Variants in COL24A1 observed in about 807,000 individuals in gnomAD.
COL24A1 encodes the protein collagen alpha-1(XXIV) chain.
In COL24A1, 224 loss-of-function variants were observed where a neutral mutation model predicts 253.9. The ratio of observed to expected loss-of-function variants is 0.88; its 90% CI spans 0.79 to 0.99. The LOEUF (loss-of-function observed/expected upper bound fraction) is 0.99, where lower values mean the gene tolerates loss of function less well. COL24A1 is among the 50% of genes least tolerant of loss of function. COL24A1 has a pLI of 0.00. For missense variants in COL24A1, 2,131 were observed against 2,068.5 expected (o/e 1.03, Z -0.59); for synonymous variants, 685 against 673.7 (o/e 1.02, Z -0.26).
chr1:85,798,473 G>A (rs1216264448), intron 47 of COL24A1, among the ~76,000 whole-genome samples: 1 of 152,138 alleles, frequency 6.6e-6, no homozygotes, highest in African/African-American at 2.4e-5. Flanking sequence ...TTTGCTAAAT[G>A]TAGGTCTGGA....
intron 31 of COL24A1, among the ~76,000 whole-genome samples, chr1:85,894,569 T>A (rs977129974): frequency 1.3e-5 from 2 of 152,026 alleles, no homozygotes; most frequent in African/African-American, 4.8e-5. Context: ...ATGAGAGGGA[T>A]GAACTTGACC....
In COL24A1 at chr1:86,004,766, C is replaced by T. The variant is rs150895691; in HGVS notation, c.2310+12385G>A. Among the ~76,000 whole-genome samples, 13 of 152,210 alleles carry T rather than the reference C, an allele frequency of 8.5e-5. No homozygotes were observed. The East Asian group carries it at 2.5e-3, about 29-fold the overall frequency. On this transcript the variant is annotated intron_variant, in intron 19 of 59. Transcript: ENST00000370571. ...GTGGGGGGTCTCTCTTGACAGAAGA[C>T]ACAACAAAGGTCTTAATAAACTAAA...
At chr1:86,123,658 G>T (rs1647764922) in intron 3 of COL24A1, among the ~76,000 whole-genome samples, 1 of 151,924 alleles carries the variant, frequency 6.6e-6, no homozygotes, top group African/African-American at 2.4e-5. Flanking sequence ...AAAGTAAATG[G>T]CTTCCATAAC....
At chr1:85,917,887 T>C (rs1686050539) in intron 24 of COL24A1, among the ~76,000 whole-genome samples, 1 of 152,070 alleles carries the variant, frequency 6.6e-6, no homozygotes, top group Non-Finnish European at 1.5e-5. Context: ...TTGTAGTTTT[T>C]AGTAGAGACG....
intron 22 of COL24A1, among the ~76,000 whole-genome samples, chr1:85,968,873 G>A (rs1338376070): frequency 6.6e-6 from 1 of 152,046 alleles, no homozygotes; most frequent in African/African-American, 2.4e-5. Flanking sequence ...ATAACTTCTT[G>A]TCCTACTTAA....
chr1:86,008,609 C>A (rs1696192527), intron 19 of COL24A1, among the ~76,000 whole-genome samples: 1 of 152,078 alleles, frequency 6.6e-6, no homozygotes, highest in South Asian at 2.1e-4. Context: ...GGATGCTCAC[C>A]ACTTCTTTAA....
chr1:85,796,756 A>T (rs180968556), intron 47 of COL24A1, among the ~76,000 whole-genome samples: 36 of 152,350 alleles, frequency 2.4e-4, no homozygotes, highest in African/African-American at 8.7e-4. Flanking sequence ...TGCATTTTAC[A>T]TACAATATTT....
intron 47 of COL24A1, among the ~76,000 whole-genome samples, chr1:85,814,517 T>G (rs1374306922): frequency 6.6e-6 from 1 of 152,208 alleles, no homozygotes; most frequent in East Asian, 1.9e-4. Context: ...AGATAATCAG[T>G]GCCACATTGC....
intron 2 of COL24A1, among the ~76,000 whole-genome samples, chr1:86,137,628 C>T (rs1352170432): frequency 6.6e-6 from 1 of 152,120 alleles, no homozygotes; most frequent in Non-Finnish European, 1.5e-5. Context: ...ATGGTGGTGT[C>T]ACCAAGACAA....
At chr1:85,987,830 A>G (rs1000402878) in intron 19 of COL24A1, among the ~76,000 whole-genome samples, 176 bp from the exon 20 acceptor site, 1 of 151,956 alleles carries the variant, frequency 6.6e-6, no homozygotes, top group African/African-American at 2.4e-5. Flanking sequence ...TAAAACTTAC[A>G]AAGTGTACTA....
chr1:85,892,364 T>C (rs1683222604), intron 31 of COL24A1, among the ~76,000 whole-genome samples: 1 of 152,032 alleles, frequency 6.6e-6, no homozygotes, highest in South Asian at 2.1e-4. Flanking sequence ...TAAAATCTGA[T>C]ATCCGGTGAA....
intron 7 of COL24A1, among the ~76,000 whole-genome samples, chr1:86,083,891 T>TTA (rs1397080193): frequency 1.3e-5 from 2 of 152,356 alleles, no homozygotes; most frequent in Non-Finnish European, 2.9e-5. Context: ...CTTAAGCAAC[T>TTA]TATACCATAT....
At position 85,948,488 on chromosome 1, in the gene COL24A1, C is replaced by A. The variant is rs552677269; in HGVS notation, c.2562+12761G>T. 1.2e-4 allele frequency among the ~76,000 whole-genome samples: 16 copies of A among 134,338 alleles called. No homozygotes were observed. In the East Asian group the frequency reaches 3.3e-3, roughly 28 times the overall value. 88.1% of individuals were successfully genotyped at this position (134,338 alleles called of 152,430 possible). ...GCAGTGAGCCGAGATCGCGCCACTG[C>A]ACTCCAGCCTGGGCGACAGAGCGAG... On this transcript the variant is annotated intron_variant, in intron 24 of 59. Transcript: ENST00000370571.
At chr1:85,924,401 C>T (rs1269354511) in intron 24 of COL24A1, among the ~76,000 whole-genome samples, 3 of 152,200 alleles carry the variant, frequency 2.0e-5, no homozygotes, top group Non-Finnish European at 4.4e-5. Context: ...CCCTGATGAA[C>T]ATTGATGCAA....
intron 24 of COL24A1, among the ~76,000 whole-genome samples, chr1:85,951,915 A>G (rs1421808308): frequency 6.6e-6 from 1 of 152,194 alleles, no homozygotes; most frequent in Admixed American, 6.5e-5. Context: ...AAAGGTGGCT[A>G]TATTTGTGGT....
chr1:85,830,607 C>T lies in COL24A1; in HGVS notation c.3682-6869G>A, dbSNP rs1026902871. ...GGCATAGGACCCTCTGAGCCATGTG[C>T]GGGATATAATCTCCTGGTGTGCTGT... On this transcript the variant is annotated intron_variant, in intron 43 of 59. Coordinates refer to ENST00000370571, the MANE Select transcript of COL24A1 (RefSeq NM_152890.7). 7.2e-5 allele frequency among the ~76,000 whole-genome samples: 11 copies of T among 152,200 alleles called. 1 individual carries two copies. The highest frequency in any genetic ancestry group is 3.9e-4 in the Admixed American group (6 of 15,260).
intron 32 of COL24A1, chr1:85,883,641 T>C (rs1468436614): frequency 1.3e-5 from 2 of 152,220 alleles, no homozygotes; most frequent in Non-Finnish European, 2.9e-5. Context: ...AATACATATT[T>C]ACAATTAACC....
intron 19 of COL24A1, among the ~76,000 whole-genome samples, chr1:85,999,168 T>C (rs1695151791): frequency 6.6e-6 from 1 of 152,116 alleles, no homozygotes; most frequent in Non-Finnish European, 1.5e-5. Context: ...ACCAAATATA[T>C]GGTCAACCAG....
chr1:85,919,475 T>C (rs1686232234), intron 24 of COL24A1, among the ~76,000 whole-genome samples: 1 of 152,018 alleles, frequency 6.6e-6, no homozygotes, highest in Non-Finnish European at 1.5e-5. Context: ...AGCCAGGAGT[T>C]CAAGACCAGC....
Sources: gnomAD v4.1 joint callset for allele counts (sites outside exome capture counted in the v4.1 genomes callset) on GRCh38, gnomAD v4.1.1 for gene constraint, MANE v1.5 for transcripts, NCBI Gene and HGNC (gene_info 2026-07-23, HGNC 2026-07-21) for gene names.